The following BLTP1 variants were observed in gnomAD, a reference collection of about 807,000 sequenced individuals.
The protein encoded by BLTP1 is bridge-like lipid transfer protein family member 1.
At chr4:122,337,616 A>G in the BLTP1 span, among the ~76,000 whole-genome samples, 5 of 152,018 alleles carry the variant, frequency 3.3e-5, no homozygotes, top group African/African-American at 1.2e-4. Context: ...AAAATATTTA[A>G]GTTAAAACCC....
chr4:122,276,923 T>C, the BLTP1 span: 1 of 985,400 alleles, frequency 1.0e-6, no homozygotes, highest in Non-Finnish European at 1.2e-6. Context: ...GATGAACTGG[T>C]TCTTCATATC....
At chr4:122,269,986 A>G in the BLTP1 span, among the ~76,000 whole-genome samples, 3 of 151,902 alleles carry the variant, frequency 2.0e-5, no homozygotes, top group Non-Finnish European at 4.4e-5. Flanking sequence ...TTTTCTTACT[A>G]CCCTTACATG....
the BLTP1 span, among the ~76,000 whole-genome samples, chr4:122,330,625 C>T: frequency 6.6e-6 from 1 of 151,982 alleles, no homozygotes; most frequent in South Asian, 2.1e-4. Context: ...ACTCCCTTGT[C>T]AGATATATGG....
chr4:122,340,699 C>A, the BLTP1 span: 1 of 983,568 alleles, frequency 1.0e-6, no homozygotes, highest in Non-Finnish European at 1.2e-6. Flanking sequence ...CTAATGTGGT[C>A]ACCCATTATC....
chr4:122,331,251 A>G, the BLTP1 span: 1 of 1,492,146 alleles, frequency 6.7e-7, no homozygotes, highest in Non-Finnish European at 8.9e-7. Flanking sequence ...TTGCTCACAT[A>G]ACATGTTGGA....
the BLTP1 span, chr4:122,328,411 G>A: frequency 3.3e-6 from 5 of 1,492,720 alleles, no homozygotes; most frequent in African/African-American, 2.8e-5. Flanking sequence ...CTAGAAATGA[G>A]CACAAAATGT....
chr4:122,208,186 A>G, the BLTP1 span: 1 of 827,062 alleles, frequency 1.2e-6, no homozygotes, highest in Non-Finnish European at 1.5e-6. Flanking sequence ...GGTACTACAT[A>G]GACACTATTC....
At chr4:122,319,539 ATTTT>A in the BLTP1 span, among the ~76,000 whole-genome samples, 7 of 131,662 alleles carry the variant, frequency 5.3e-5, no homozygotes, top group Non-Finnish European at 8.1e-5. Flanking sequence ...ATGATTTATA[ATTTT>A]TTTTTTTTTT....
the BLTP1 span, chr4:122,229,851 C>T: frequency 4.1e-6 from 6 of 1,467,562 alleles, no homozygotes; most frequent in African/African-American, 7.1e-5. Context: ...TTGAAATGAT[C>T]ACCTATTCAG....
chr4:122,316,090 AAAGATGTTC>A, the BLTP1 span, among the ~76,000 whole-genome samples: 2 of 152,148 alleles, frequency 1.3e-5, no homozygotes, highest in African/African-American at 4.8e-5. Context: ...ATATCTCAAT[AAAGATGTTC>A]AAGATGAATT....
chr4:122,175,683 C>T, the BLTP1 span: 9,802 of 155,292 alleles, frequency 0.063, 885 homozygotes, highest in African/African-American at 0.2. Context: ...AAACATACTT[C>T]ATAAGTCTTT....
chr4:122,209,004 AGAT>A, the BLTP1 span: 8 of 546,072 alleles, frequency 1.5e-5, no homozygotes, highest in Non-Finnish European at 1.8e-5. Flanking sequence ...AAAAAAAAAA[AGAT>A]AAATAATACA....
At chr4:122,171,474 A>G in the BLTP1 span, among the ~76,000 whole-genome samples, 1 of 152,062 alleles carries the variant, frequency 6.6e-6, no homozygotes, top group East Asian at 1.9e-4. Context: ...AAGGGTAATG[A>G]TAATATGTTA....
At chr4:122,183,515 T>G in the BLTP1 span, 17 of 985,228 alleles carry the variant, frequency 1.7e-5, no homozygotes, top group South Asian at 7.5e-4. Flanking sequence ...CAAGCTGCAA[T>G]CAATATTTAT....
the BLTP1 span, chr4:122,292,439 G>C: frequency 4.8e-6 from 4 of 837,552 alleles, no homozygotes; most frequent in Non-Finnish European, 5.8e-6. Context: ...AGTGTGCTAA[G>C]CAATGTAAAA....
the BLTP1 span, among the ~76,000 whole-genome samples, chr4:122,303,594 G>A: frequency 6.6e-6 from 1 of 152,182 alleles, no homozygotes; most frequent in South Asian, 2.1e-4. Flanking sequence ...TTCATGAGAG[G>A]AGGTGCTAAT....
the BLTP1 span, chr4:122,249,565 A>G: frequency 1.2e-6 from 2 of 1,613,786 alleles, no homozygotes; most frequent in South Asian, 2.2e-5. Context: ...GGATGAATTT[A>G]CTTTTGTGGA....
chr4:122,162,764 A>G, the BLTP1 span: 1 of 551,662 alleles, frequency 1.8e-6, no homozygotes, highest in South Asian at 8.0e-5. Context: ...AATAAGAAGA[A>G]AAAGGATGAA....
the BLTP1 span, among the ~76,000 whole-genome samples, chr4:122,202,294 A>G: frequency 6.6e-6 from 1 of 152,074 alleles, no homozygotes; most frequent in African/African-American, 2.4e-5. Context: ...GTTCAAATTT[A>G]TGAAAAAAAT....
Sources: gnomAD v4.1 joint callset for allele counts (sites outside exome capture counted in the v4.1 genomes callset) on GRCh38, gnomAD v4.1.1 for gene constraint, MANE v1.5 for transcripts, NCBI Gene and HGNC (gene_info 2026-07-23, HGNC 2026-07-21) for gene names.